The following CPED1 variants were observed in gnomAD, a reference collection of about 807,000 sequenced individuals.
CPED1 encodes cadherin-like and PC-esterase domain-containing protein 1.
A neutral mutation model predicts 128.2 loss-of-function variants in CPED1; 114 were observed. The ratio of observed to expected loss-of-function variants is 0.89; its 90% confidence interval spans 0.76 to 1.04. CPED1 has a LOEUF of 1.04. Among genes scored for constraint, CPED1 ranks in the 50% least tolerant of loss-of-function variants. CPED1 has a pLI of 0.00. For missense variants in CPED1, 1,211 were observed against 1,207.1 expected (o/e 1.00, Z -0.05); for synonymous variants, 462 against 426.7 (o/e 1.08, Z -1.02).
At chr7:121,033,154 G>A (rs1562999117) in intron 3 of CPED1, among the ~76,000 whole-genome samples, 1 of 152,166 alleles carries the variant, frequency 6.6e-6, no homozygotes, top group East Asian at 1.9e-4. Context: ...CAACTACTGT[G>A]AGGTCCTCTC....
At chr7:121,029,976 C>G (rs1353223903) in intron 3 of CPED1, among the ~76,000 whole-genome samples, 1 of 152,040 alleles carries the variant, frequency 6.6e-6, no homozygotes, top group East Asian at 1.9e-4. Context: ...ATGTTCCTTA[C>G]CTTGATGCAT....
intron 16 of CPED1, among the ~76,000 whole-genome samples, chr7:121,161,083 C>T (rs1043501648): frequency 5.3e-5 from 8 of 152,170 alleles, no homozygotes; most frequent in African/African-American, 1.9e-4. Flanking sequence ...TTTTTTATTG[C>T]TGTGCAACAA....
intron 16 of CPED1, among the ~76,000 whole-genome samples, chr7:121,196,615 G>C (rs1797278630): frequency 6.6e-6 from 1 of 152,022 alleles, no homozygotes; most frequent in African/African-American, 2.4e-5. Flanking sequence ...AGGAGTCTGG[G>C]GACATGTAAA....
intron 4 of CPED1, among the ~76,000 whole-genome samples, chr7:121,058,457 A>T (rs928914845): frequency 6.6e-6 from 1 of 152,172 alleles, no homozygotes; most frequent in Non-Finnish European, 1.5e-5. Flanking sequence ...AATGACAAAT[A>T]ATAATAGCTC....
chr7:121,233,932 A>G (rs1349114522), intron 16 of CPED1, among the ~76,000 whole-genome samples: 1 of 152,100 alleles, frequency 6.6e-6, no homozygotes, highest in African/African-American at 2.4e-5. Context: ...CATGGCCACA[A>G]GATGGCTGCT....
intron 16 of CPED1, among the ~76,000 whole-genome samples, chr7:121,221,718 TGATG>T (rs754192236): frequency 5.9e-5 from 9 of 152,230 alleles, no homozygotes; most frequent in Middle Eastern, 3.2e-3. Context: ...TAACCAGTGA[TGATG>T]AGCATTTTTT....
intron 16 of CPED1, among the ~76,000 whole-genome samples, chr7:121,146,531 C>T (rs1796028067): frequency 6.6e-6 from 1 of 152,110 alleles, no homozygotes; most frequent in Non-Finnish European, 1.5e-5. Flanking sequence ...ATTCTCTTAC[C>T]TTCTGAGCAT....
chr7:121,157,580 T>C (rs1763050831), intron 16 of CPED1, among the ~76,000 whole-genome samples: 2 of 152,140 alleles, frequency 1.3e-5, no homozygotes, highest in Non-Finnish European at 2.9e-5. Context: ...TAGGAGGATC[T>C]TTGACATCTA....
intron 16 of CPED1, among the ~76,000 whole-genome samples, chr7:121,182,470 TTTC>T (rs1796920986): frequency 6.6e-6 from 1 of 151,932 alleles, no homozygotes; most frequent in Non-Finnish European, 1.5e-5. Flanking sequence ...CTTCCCTTTC[TTTC>T]TTTATTTCTT....
At chr7:121,090,340 C>T (rs1486131879) in intron 5 of CPED1, among the ~76,000 whole-genome samples, 2 of 152,148 alleles carry the variant, frequency 1.3e-5, no homozygotes, top group Non-Finnish European at 2.9e-5. Context: ...TTTCCTATAA[C>T]AAAGTGAAAG....
chr7:121,002,451 T>C (rs1213369645), intron 2 of CPED1, among the ~76,000 whole-genome samples: 1 of 152,190 alleles, frequency 6.6e-6, no homozygotes, highest in African/African-American at 2.4e-5. Flanking sequence ...CCCTCTCTGT[T>C]ATTATCTTTA....
At chr7:121,089,876 T>C (rs1189707866) in intron 5 of CPED1, among the ~76,000 whole-genome samples, 1 of 152,166 alleles carries the variant, frequency 6.6e-6, no homozygotes, top group Non-Finnish European at 1.5e-5. Flanking sequence ...TTTAAAAAAA[T>C]GTCATTTCCC....
At chr7:121,124,594 G>A (rs1024782408) in intron 8 of CPED1, 121 bp downstream of exon 8, 2 of 654,534 alleles carry the variant, frequency 3.1e-6, no homozygotes, top group Non-Finnish European at 4.7e-6. Flanking sequence ...AAAATTTTAT[G>A]TCAATATACA....
rs781363857 is a variant in CPED1 at position 121,047,005 on chromosome 7, C to A, written c.540+12C>A. The A allele has an allele frequency of 6.6e-6, 10 of 1,511,806 alleles. No homozygotes were observed. The highest frequency in any genetic ancestry group is 9.2e-6 in the Non-Finnish European group (10 of 1,087,808). 93.6% of individuals were successfully genotyped at this position (1,511,806 alleles called of 1,614,324 possible). ...GTTTACATCAAAAGGTAAATACTCT[C>A]AAGATGTGCACAGATTTTATCAGCC... On this transcript the variant is annotated intron_variant, in intron 4 of 22. Transcript: ENST00000310396.
chr7:121,099,076 A>G (rs1299581462), intron 6 of CPED1, among the ~76,000 whole-genome samples: 5 of 150,660 alleles, frequency 3.3e-5, no homozygotes, highest in Non-Finnish European at 2.9e-5. Context: ...ATTATCTGGG[A>G]GTAGGGACAT....
intron 16 of CPED1, among the ~76,000 whole-genome samples, chr7:121,182,025 A>G (rs767377260): frequency 7.2e-5 from 11 of 152,086 alleles, no homozygotes; most frequent in Admixed American, 2.6e-4. Flanking sequence ...ATTTGTGTCT[A>G]TATCAGCTGT....
intron 5 of CPED1, among the ~76,000 whole-genome samples, chr7:121,088,414 C>T (rs1794488843): frequency 6.6e-6 from 1 of 152,042 alleles, no homozygotes; most frequent in Non-Finnish European, 1.5e-5. Flanking sequence ...AATCCCAGCA[C>T]TTTGGGAGGC....
intron 19 of CPED1, 58 bp from the exon 20 acceptor site, chr7:121,266,649 T>TA: frequency 1.5e-6 from 2 of 1,358,892 alleles, no homozygotes; most frequent in Non-Finnish European, 2.1e-6. Context: ...GCAGTGCAGT[T>TA]ACAATGTTTA....
rs751400353 is a variant in CPED1, at chr7:121,140,998, A to T, written c.1871A>T (p.Glu624Val). 6.2e-7 allele frequency: 1 copy of T among 1,610,544 alleles called. No individual in the cohort carries two copies. The highest frequency in any genetic ancestry group is 8.5e-7 in the Non-Finnish European group (1 of 1,178,584). ...TGTCTGTGCAAGGTGCACCTGTACG[A>T]GCAGGCAGGGCCAAGGTATGAGATG... ...PKCLCKVHLY[E>V]QAGPSFASYP... Residue 624 changes from glutamate (E) to valine (V), a missense_variant, in exon 15 of 23, where the codon GAG becomes GTG. Coordinates refer to ENST00000310396, the MANE Select transcript of CPED1 (RefSeq NM_024913.5).
Sources: gnomAD v4.1 joint callset for allele counts (sites outside exome capture counted in the v4.1 genomes callset) on GRCh38, gnomAD v4.1.1 for gene constraint, MANE v1.5 for transcripts, NCBI Gene and HGNC (gene_info 2026-07-23, HGNC 2026-07-21) for gene names.